The following HIP1R variants were observed in gnomAD, a reference collection of about 807,000 sequenced individuals.
HIP1R encodes the protein huntingtin interacting protein 1 related.
HIP1R carries 135 observed loss-of-function variants against 144.2 expected under a neutral mutation model. The ratio of observed to expected loss-of-function variants is 0.94; its 90% CI spans 0.81 to 1.08. The LOEUF is 1.08. HIP1R is among the 50% of genes least tolerant of loss of function. HIP1R has a pLI of 0.00. For missense variants in HIP1R, 1,462 were observed against 1,432.8 expected (o/e 1.02, Z -0.33); for synonymous variants, 698 against 612.8 (o/e 1.14, Z -2.05).
Position 122,855,842 on chromosome 12 carries a change from T to C in HIP1R, c.1067T>C (p.Ile356Thr). 6.4e-7 allele frequency: 1 copy of C among 1,564,842 alleles called. No individual in the cohort carries two copies. Among genetic ancestry groups the C allele is most frequent in the East Asian group, 2.4e-5 (1 of 42,240 alleles). The part of the protein sequence containing the change: ...GSVKDDRDLQ[I>T]ESLKREVEML... Reference sequence around the variant, plus strand: ...ACCTCTGTCCCCAGGGACCTCCAGATTGAGAGCTTGAAGAGAGAGGTGGAA... The same window carrying C: ...ACCTCTGTCCCCAGGGACCTCCAGACTGAGAGCTTGAAGAGAGAGGTGGAA... The change falls in exon 13 of 32, where the codon ATT (isoleucine) becomes ACT (threonine). Residue 356 changes from isoleucine to threonine, a missense_variant. Physicochemically the swap from Ile to Thr is moderately conservative, Grantham distance 89. Transcript: ENST00000253083.
chr12:122,847,569 C>T (rs1274861828), intron 1 of HIP1R, among the ~76,000 whole-genome samples: 3 of 152,156 alleles, frequency 2.0e-5, no homozygotes, highest in Non-Finnish European at 2.9e-5. Flanking sequence ...GGAATGCCTC[C>T]CAGGAGAGTG....
chr12:122,834,838 G>A, upstream of HIP1R: 1 of 711,326 alleles, frequency 1.4e-6, no homozygotes, highest in Admixed American at 2.5e-5. Context: ...AACAGCTGCA[G>A]CTATGTCAGA....
Position 122,860,939 on chromosome 12 carries a change from C to T in HIP1R, c.2790C>T (p.Pro930=), listed in dbSNP as rs1176851920. 6.2e-7 allele frequency: 1 copy of T among 1,612,716 alleles called. No homozygotes were observed. Residue 930 remains proline, a synonymous_variant, in exon 29 of 32, where the codon CCC becomes CCT. Coordinates refer to ENST00000253083, the MANE Select transcript of HIP1R (RefSeq NM_003959.3). ...ASKVKANKHS[P]HLSRLQECSR... ...AGGTGAAGGCCAACAAGCACAGCCC[C>T]CACCTGAGCCGCCTGCAGGAATGTT...
intron 8 of HIP1R, among the ~76,000 whole-genome samples, 190 bp from the exon 9 acceptor site, chr12:122,854,715 A>C (rs772624001): frequency 3.9e-5 from 6 of 152,110 alleles, no homozygotes; most frequent in Non-Finnish European, 8.8e-5. Flanking sequence ...TTCCTTCTCT[A>C]GCTCAGTCTG....
chr12:122,844,211 T>C (rs2033144077), intron 1 of HIP1R, among the ~76,000 whole-genome samples: 1 of 152,166 alleles, frequency 6.6e-6, no homozygotes. Flanking sequence ...CTATCATGGC[T>C]CACTGCAGCC....
intron 1 of HIP1R, 152 bp from the exon 2 acceptor site, chr12:122,847,879 G>A (rs1566104282): frequency 1.1e-5 from 7 of 614,832 alleles, no homozygotes; most frequent in Admixed American, 5.6e-5. Flanking sequence ...TCCTTCAGAA[G>A]CTTAGGTTGA....
At chr12:122,857,810 G>C (rs369668382) in intron 18 of HIP1R, 8 of 359,438 alleles carry the variant, frequency 2.2e-5, no homozygotes, top group African/African-American at 6.3e-5. Flanking sequence ...GTCTTGATTT[G>C]TGTTTCCCTG....
intron 1 of HIP1R, among the ~76,000 whole-genome samples, chr12:122,844,039 A>G (rs748028121): frequency 2.0e-5 from 3 of 152,060 alleles, no homozygotes; most frequent in Non-Finnish European, 4.4e-5. Flanking sequence ...GAGTTTCGCC[A>G]TGTTGGCCAG....
At chr12:122,852,015 G>C (rs2033415783) in intron 7 of HIP1R, among the ~76,000 whole-genome samples, 1 of 152,240 alleles carries the variant, frequency 6.6e-6, no homozygotes, top group Non-Finnish European at 1.5e-5. Flanking sequence ...TCCTAGCGAG[G>C]GAACCCGGCC....
At chr12:122,858,478 A>T in intron 20 of HIP1R, 43 bp downstream of exon 20, 1 of 1,483,210 alleles carries the variant, frequency 6.7e-7, no homozygotes, top group Non-Finnish European at 9.2e-7. Context: ...GCTGTGTCCC[A>T]GTTCCAGCGC....
At chr12:122,855,690 C>T (rs770559288) in intron 12 of HIP1R, 78 bp downstream of exon 12, 80 of 1,526,180 alleles carry the variant, frequency 5.2e-5, no homozygotes, top group Non-Finnish European at 6.8e-5. Context: ...ACAGTTCTGT[C>T]TGGAAAGGCC....
upstream of HIP1R, chr12:122,834,803 A>G: frequency 2.1e-6 from 1 of 487,300 alleles, no homozygotes; most frequent in Non-Finnish European, 3.5e-6. Context: ...GTCTCTGGAA[A>G]TGCATCCTGC....
In HIP1R at chr12:122,841,278, C is replaced by T. The variant is rs547774895; in HGVS notation, c.93+5635C>T. ...CGCTGCTTCCACATCTGCCCTGACA[C>T]GCTGTGGCTGGCCCAGCAGAGCGGG... On this transcript the variant is annotated intron_variant, in intron 1 of 31. Transcript: ENST00000253083. Among the ~76,000 whole-genome samples the T allele has an allele frequency of 5.2e-5, 8 of 152,394 alleles. No individual in the cohort carries two copies. In the South Asian group the frequency reaches 6.2e-4, roughly 12 times the overall value.
chr12:122,860,909 C>T lies in HIP1R; in HGVS notation c.2767-7C>T, dbSNP rs2135680380. The T allele has an allele frequency of 1.9e-6, 3 of 1,609,298 alleles. No homozygotes were observed. Among genetic ancestry groups the T allele is most frequent in the South Asian group, 1.1e-5 (1 of 90,568 alleles). Reference sequence around the variant, plus strand: ...ACCTGGGCCCACCCTGACCTCTCGCCCCTCAGGTGAAGGCCAACAAGCACA... The same window carrying T: ...ACCTGGGCCCACCCTGACCTCTCGCTCCTCAGGTGAAGGCCAACAAGCACA... On this transcript the variant is annotated splice_region_variant and splice_polypyrimidine_tract_variant and intron_variant, in intron 28 of 31. Transcript: ENST00000253083.
rs562888198 is a variant in HIP1R at position 122,839,898 on chromosome 12, G to A, written c.93+4255G>A. ...CTTTCCAATACTCACAGCCCGCACCGGCCAGCGGCTACCGTGCCGGACAAT... is the reference window on the plus strand; with the variant it reads ...CTTTCCAATACTCACAGCCCGCACCAGCCAGCGGCTACCGTGCCGGACAAT... On this transcript the variant is annotated intron_variant, in intron 1 of 31. Coordinates refer to ENST00000253083, the MANE Select transcript of HIP1R (RefSeq NM_003959.3). Among the ~76,000 whole-genome samples, 9 of 152,270 alleles carry A rather than the reference G, an allele frequency of 5.9e-5. No homozygotes were observed. The South Asian group carries it at 6.2e-4, about 11-fold the overall frequency.
chr12:122,856,669 G>A lies in HIP1R; in HGVS notation c.1563G>A (p.Leu521=), dbSNP rs765142437. The change falls in exon 17 of 32, where the codon CTG becomes CTA. Residue 521 remains leucine, a synonymous_variant. Transcript: ENST00000253083. Reference sequence around the variant, plus strand: ...AGCTGGAGAAGCTCAAGAGGGAGCTGGAGGCCAAGGCCGGAGAGCTGGCCC... The same window carrying A: ...AGCTGGAGAAGCTCAAGAGGGAGCTAGAGGCCAAGGCCGGAGAGCTGGCCC... ...SDQLEKLKRE[L]EAKAGELARA... 1 of 1,603,478 alleles carries A rather than the reference G, an allele frequency of 6.2e-7. No homozygotes were observed. Among genetic ancestry groups the A allele is most frequent in the South Asian group, 1.1e-5 (1 of 89,234 alleles).
At chr12:122,847,928 A>G in intron 1 of HIP1R, 103 bp from the exon 2 acceptor site, 1 of 1,094,182 alleles carries the variant, frequency 9.1e-7, no homozygotes, top group Non-Finnish European at 1.3e-6. Context: ...CTGGCCTTGA[A>G]CCCAGGCAGA....
chr12:122,854,005 C>T, intron 7 of HIP1R, 38 bp from the exon 8 acceptor site: 1 of 1,602,400 alleles, frequency 6.2e-7, no homozygotes, highest in Non-Finnish European at 8.5e-7. Context: ...GCCCAGCTCC[C>T]AAGGGCTCAC....
At chr12:122,858,754 G>T in intron 20 of HIP1R, 84 bp from the exon 21 acceptor site, 1 of 965,864 alleles carries the variant, frequency 1.0e-6, no homozygotes. Flanking sequence ...TCCTCCTCCT[G>T]GGATAGCTGG....
Sources: allele counts gnomAD v4.1 joint callset (sites outside exome capture counted in the v4.1 genomes callset), GRCh38; gene constraint gnomAD v4.1.1; transcripts MANE v1.5; gene names NCBI Gene and HGNC (gene_info 2026-07-23, HGNC 2026-07-21).